DIP2C: variants seen among roughly 807,000 people sequenced by gnomAD.
DIP2C encodes DIP2 acetate--CoA ligase C (putative).
A neutral mutation model predicts 192.4 loss-of-function variants in DIP2C; 33 were observed. That is an observed-to-expected ratio of 0.17 (90% confidence interval 0.13 to 0.23). The LOEUF is 0.23. Ranked by LOEUF, DIP2C falls within the 10% of genes least tolerant of loss-of-function variation. DIP2C has a pLI of 1.00. For synonymous variants in DIP2C, 979 were observed against 864.1 expected, an observed-to-expected ratio of 1.13 and a Z score of -2.33; for missense variants, 1,537 against 2,110.1, an observed-to-expected ratio of 0.73 and a Z score of 5.32.
chr10:413,721 C>T (rs1965337297), intron 8 of DIP2C, among the ~76,000 whole-genome samples, 192 bp downstream of exon 8: 1 of 151,466 alleles, frequency 6.6e-6, no homozygotes, highest in African/African-American at 2.4e-5. Context: ...TCCGGATTAC[C>T]TTAAGTGAGG....
chr10:599,667 C>G (rs935340916), intron 1 of DIP2C, among the ~76,000 whole-genome samples: 1 of 152,146 alleles, frequency 6.6e-6, no homozygotes. Context: ...GACAGAGGAC[C>G]CCCTGGGGCC....
chr10:338,638 C>T (rs1227530383), intron 29 of DIP2C, among the ~76,000 whole-genome samples: 3 of 152,174 alleles, frequency 2.0e-5, no homozygotes, highest in Non-Finnish European at 4.4e-5. Context: ...TGAAATCGCC[C>T]ATTTGGAACG....
chr10:573,391 G>A (rs936787947), intron 1 of DIP2C, among the ~76,000 whole-genome samples: 5 of 152,316 alleles, frequency 3.3e-5, no homozygotes, highest in South Asian at 2.1e-4. Flanking sequence ...GCGCAGCCGG[G>A]CAGTTCACCC....
At chr10:380,664 A>G (rs1204402296) in intron 17 of DIP2C, among the ~76,000 whole-genome samples, 1 of 152,232 alleles carries the variant, frequency 6.6e-6, no homozygotes, top group Non-Finnish European at 1.5e-5. Flanking sequence ...GGAGTAAATA[A>G]AATGAGATCG....
chr10:381,324 C>T (rs761413529), intron 17 of DIP2C, among the ~76,000 whole-genome samples: 4 of 152,166 alleles, frequency 2.6e-5, no homozygotes, highest in Admixed American at 6.5e-5. Context: ...CAGGGAGAAC[C>T]GGCATGGGGA....
At chr10:593,326 C>T (rs1040854578) in intron 1 of DIP2C, among the ~76,000 whole-genome samples, 2 of 152,142 alleles carry the variant, frequency 1.3e-5, no homozygotes, top group Admixed American at 6.5e-5. Flanking sequence ...CCTAAGTCCA[C>T]GTTTACCCCA....
rs1966442153 is a variant in DIP2C at position 424,467 on chromosome 10, G to T, written c.395-1434C>A. ...AATAACCTCTCACTCCCTGGTTCAA[G>T]AGATTCTCCTGCCTCAGCCTCCCAG... On this transcript the variant is annotated intron_variant, in intron 4 of 36. Coordinates refer to ENST00000280886, the MANE Select transcript of DIP2C (RefSeq NM_014974.3). Among the ~76,000 whole-genome samples, 3 of 145,198 alleles carry T rather than the reference G, an allele frequency of 2.1e-5. No individual in the cohort carries two copies. The South Asian group carries it at 6.7e-4, about 32-fold the overall frequency.
intron 1 of DIP2C, among the ~76,000 whole-genome samples, chr10:615,428 G>GAAGCCA (rs1853398480): frequency 1.3e-5 from 2 of 152,158 alleles, no homozygotes; most frequent in African/African-American, 4.8e-5. Context: ...GCTTCCTCAG[G>GAAGCCA]GACGCTAAAT....
rs560404811 is a variant in DIP2C, at chr10:387,049, C to T, written c.1662+696G>A. On this transcript the variant is annotated intron_variant, in intron 14 of 36. Coordinates refer to ENST00000280886, the MANE Select transcript of DIP2C (RefSeq NM_014974.3). The stretch of plus-strand genomic sequence containing the variant: ...GGCAAATCTGGAAACTACTTTCCCC[C>T]GCAGAGTAACACAATAGCAGGCCCC... Among the ~76,000 whole-genome samples, 8 of 152,254 alleles carry T rather than the reference C, an allele frequency of 5.3e-5. No homozygotes were observed. In the South Asian group the frequency reaches 8.3e-4, roughly 16 times the overall value.
chr10:511,762 A>ACACAGACACACC (rs1432455163), intron 1 of DIP2C, among the ~76,000 whole-genome samples: 3 of 152,230 alleles, frequency 2.0e-5, no homozygotes, highest in Non-Finnish European at 4.4e-5. Context: ...CTAGAGAGAG[A>ACACAGACACACC]CACAGACACA....
intron 8 of DIP2C, among the ~76,000 whole-genome samples, 155 bp downstream of exon 8, chr10:413,758 G>A (rs944040219): frequency 2.0e-5 from 3 of 152,126 alleles, no homozygotes; most frequent in Non-Finnish European, 4.4e-5. Context: ...AGCTTCGTGC[G>A]TTCGGGAGTG....
chr10:360,959 G>A (rs1959403995), intron 22 of DIP2C, among the ~76,000 whole-genome samples: 1 of 152,104 alleles, frequency 6.6e-6, no homozygotes, highest in South Asian at 2.1e-4. Context: ...TTTATTCGAA[G>A]GGGCCTTAGA....
At chr10:347,485 C>CACCCA (rs781121821) in intron 26 of DIP2C, among the ~76,000 whole-genome samples, 2 of 105,800 alleles carry the variant, frequency 1.9e-5, no homozygotes, top group African/African-American at 7.6e-5. Context: ...ACCCCACACT[C>CACCCA]ACCCGGACAC....
chr10:300,519 G>A (rs897665639), intron 32 of DIP2C, among the ~76,000 whole-genome samples: 69 of 152,188 alleles, frequency 4.5e-4, no homozygotes, highest in African/African-American at 1.6e-3. Context: ...GATTTAATGA[G>A]GACAATATTA....
chr10:486,461 G>A lies in DIP2C; in HGVS notation c.155C>T (p.Pro52Leu), dbSNP rs758803230. 26 of 1,598,090 alleles carry A rather than the reference G, an allele frequency of 1.6e-5. No homozygotes were observed. The highest frequency in any genetic ancestry group is 2.2e-5 in the Non-Finnish European group (26 of 1,172,550). The change falls in exon 2 of 37, where the codon CCG becomes CTG. Residue 52 changes from proline (P) to leucine (L), a missense_variant and splice_region_variant. Around this residue, in one of 4 missense-constraint regions of DIP2C, gnomAD observed 473 missense variants for 539.6 expected, o/e 0.88. Coordinates refer to ENST00000280886, the MANE Select transcript of DIP2C (RefSeq NM_014974.3). Reference protein sequence around the residue: ...KLIGAYLPQPPRVDQALPQER... With the variant: ...KLIGAYLPQPLRVDQALPQER... ...TGCTACTCATGGGGGTTACCTACTC[G>A]GAGGCTGCGGAAGGTAGGCTCCAAT...
intron 36 of DIP2C, among the ~76,000 whole-genome samples, chr10:280,863 T>C (rs1435273791): frequency 6.6e-6 from 1 of 152,240 alleles, no homozygotes; most frequent in African/African-American, 2.4e-5. Flanking sequence ...ATAAAAGTAT[T>C]TTCTGTGCCT....
intron 1 of DIP2C, among the ~76,000 whole-genome samples, chr10:639,094 C>T (rs534574444): frequency 6.6e-6 from 1 of 152,094 alleles, no homozygotes; most frequent in African/African-American, 2.4e-5. Flanking sequence ...CAAGGGGACC[C>T]GTCAGGTCGG....
intron 3 of DIP2C, among the ~76,000 whole-genome samples, chr10:450,704 A>G (rs1222124093): frequency 1.3e-5 from 2 of 152,158 alleles, no homozygotes; most frequent in Non-Finnish European, 2.9e-5. Flanking sequence ...CAGGCCAACC[A>G]ACAGCCTTGG....
At chr10:330,806 T>A (rs1957471789) in intron 29 of DIP2C, among the ~76,000 whole-genome samples, 1 of 123,162 alleles carries the variant, frequency 8.1e-6, no homozygotes, top group African/African-American at 3.1e-5. Flanking sequence ...ATGCCCAACC[T>A]ACACAATTTT....
Sources: gnomAD v4.1 joint callset for allele counts (sites outside exome capture counted in the v4.1 genomes callset) on GRCh38, gnomAD v4.1.1 for gene constraint, gnomAD v4.1.1 regional missense constraint, MANE v1.5 for transcripts, NCBI Gene and HGNC (gene_info 2026-07-23, HGNC 2026-07-21) for gene names.